The following OSBPL5 variants were observed in gnomAD, a reference collection of about 807,000 sequenced individuals.
The protein encoded by OSBPL5 is oxysterol binding protein like 5.
Under a neutral mutation model 111.2 loss-of-function variants are expected in OSBPL5, and 71 were observed. That is an observed-to-expected ratio of 0.64 (90% CI 0.53 to 0.78). OSBPL5 has a LOEUF of 0.78. Ranked by LOEUF, OSBPL5 falls within the 30% of genes least tolerant of loss-of-function variation. The pLI, the probability that OSBPL5 is intolerant of heterozygous loss-of-function variation, is 0.00. For synonymous variants in OSBPL5, 549 were observed against 513.9 expected, an observed-to-expected ratio of 1.07 and a Z score of -0.93; for missense variants, 1,210 against 1,189.3, an observed-to-expected ratio of 1.02 and a Z score of -0.26.
In OSBPL5 at chr11:3,151,951, C is replaced by T. The variant is rs77089155; in HGVS notation, c.-22+13265G>A. ...CCACTGAAGGCCCCCCTCTGCCTCT[C>T]GAGCCAGCTCGGAAGTGTGCACGTC... On this transcript the variant is annotated intron_variant, in intron 1 of 21. Coordinates refer to ENST00000263650, the MANE Select transcript of OSBPL5 (RefSeq NM_020896.4). Among the ~76,000 whole-genome samples the T allele has an allele frequency of 2.6e-3, 400 of 152,378 alleles. 1 individual carries two copies. The highest frequency in any genetic ancestry group is 4.7e-3 in the Non-Finnish European group (323 of 68,036).
intron 1 of OSBPL5, among the ~76,000 whole-genome samples, chr11:3,156,898 G>C (rs371503547): frequency 2.7e-4 from 41 of 152,308 alleles, no homozygotes; most frequent in Non-Finnish European, 4.1e-4. Flanking sequence ...CTAAGGCCTG[G>C]GGCTTTAAGA....
At chr11:3,155,787 G>T (rs780460679) in intron 1 of OSBPL5, among the ~76,000 whole-genome samples, 4 of 152,352 alleles carry the variant, frequency 2.6e-5, no homozygotes, top group Non-Finnish European at 5.9e-5. Flanking sequence ...CGGGTCTGGG[G>T]CTTGGCTGGT....
chr11:3,128,028 G>A (rs1431185613), intron 2 of OSBPL5, among the ~76,000 whole-genome samples: 1 of 152,222 alleles, frequency 6.6e-6, no homozygotes. Context: ...CGGCCAGGGT[G>A]AACGTGACAG....
At chr11:3,099,970 A>G (rs1857396456) in intron 14 of OSBPL5, among the ~76,000 whole-genome samples, 188 bp downstream of exon 14, 1 of 148,780 alleles carries the variant, frequency 6.7e-6, no homozygotes, top group South Asian at 2.1e-4. Flanking sequence ...TGGAGCCAAG[A>G]TCACGCCATT....
At position 3,141,405 on chromosome 11, in the gene OSBPL5, C is replaced by T. The variant is rs1044673255; in HGVS notation, c.-21-12236G>A. 2.6e-5 allele frequency among the ~76,000 whole-genome samples: 4 copies of T among 152,238 alleles called. No individual in the cohort carries two copies. The highest frequency in any genetic ancestry group is 1.9e-4 in the East Asian group (1 of 5,164). ...CTGCCCCAGCAGGCAGGTCCAGCCCCGAGGCCTCCTTGGTTCCCCTCAGAA... is the reference window on the plus strand; with the variant it reads ...CTGCCCCAGCAGGCAGGTCCAGCCCTGAGGCCTCCTTGGTTCCCCTCAGAA... On this transcript the variant is annotated intron_variant, in intron 1 of 21. Coordinates refer to ENST00000263650, the MANE Select transcript of OSBPL5 (RefSeq NM_020896.4). This position sits in a 1 kb window ranked among gnomAD's most constrained non-coding sequence, Gnocchi z 6.5.
chr11:3,123,046 G>A lies in OSBPL5; in HGVS notation c.220-618C>T, dbSNP rs545926498. On this transcript the variant is annotated intron_variant, in intron 3 of 21. Transcript: ENST00000263650. ...CAGGGCCAATGTACTGGTGGGGGGT[G>A]TGCAGTGGGGGTGCCCACCCCATCC... Among the ~76,000 whole-genome samples the A allele has an allele frequency of 3.9e-5, 6 of 152,352 alleles. No homozygotes were observed. In the South Asian group the frequency reaches 8.3e-4, roughly 21 times the overall value.
At chr11:3,103,989 C>G (rs556342649) in intron 10 of OSBPL5, among the ~76,000 whole-genome samples, 8 of 152,174 alleles carry the variant, frequency 5.3e-5, no homozygotes, top group African/African-American at 1.9e-4. Flanking sequence ...ACTGACCCCC[C>G]TCTCACCACG....
chr11:3,160,042 C>G (rs1260476950), intron 1 of OSBPL5, among the ~76,000 whole-genome samples: 1 of 152,210 alleles, frequency 6.6e-6, no homozygotes, highest in Non-Finnish European at 1.5e-5. Context: ...AGCCCCCTCC[C>G]TGCCCTGGCC....
Position 3,107,945 on chromosome 11 carries a change from C to A in OSBPL5, c.692G>T (p.Gly231Val). Residue 231 changes from glycine (G) to valine (V), a missense_variant and splice_region_variant, in exon 8 of 22, where the codon GGT becomes GTT. Gly to Val is a moderately radical substitution (Grantham distance 109). Coordinates refer to ENST00000263650, the MANE Select transcript of OSBPL5 (RefSeq NM_020896.4). The surrounding 1 kb of genome is among the most constrained non-coding windows in gnomAD (Gnocchi z 6.1). ...CTCCAGGGCGTCCAGCCAGCAGCGA[C>A]CTGCGGGGCACACGGGATGAGCATG... ...LIFRAASESD[G>V]RCWLDALELA... 6.3e-7 allele frequency: 1 copy of A among 1,596,754 alleles called. No individual in the cohort carries two copies. Among genetic ancestry groups the A allele is most frequent in the Non-Finnish European group, 8.5e-7 (1 of 1,179,302 alleles).
At chr11:3,093,410 C>T (rs1488738142) in intron 17 of OSBPL5, 117 bp downstream of exon 17, 13 of 1,453,194 alleles carry the variant, frequency 8.9e-6, no homozygotes, top group Non-Finnish European at 1.2e-5. Flanking sequence ...ACCAGGCCTG[C>T]CCTCCCTGCC....
intron 1 of OSBPL5, among the ~76,000 whole-genome samples, chr11:3,157,687 G>A (rs987301905): frequency 9.9e-5 from 15 of 152,228 alleles, no homozygotes; most frequent in Admixed American, 6.5e-4. Flanking sequence ...CCCCGCCCTC[G>A]GCCGGCTGGG....
chr11:3,092,445 C>T lies in OSBPL5; in HGVS notation c.2246G>A (p.Gly749Glu), dbSNP rs774082217. The T allele has an allele frequency of 3.1e-5, 49 of 1,580,940 alleles. No individual in the cohort carries two copies. Among genetic ancestry groups the T allele is most frequent in the South Asian group, 2.8e-4 (24 of 86,456 alleles). Residue 749 changes from glycine (G) to glutamate (E), a missense_variant, in exon 19 of 22, where the codon GGG (glycine) becomes GAG (glutamate). Physicochemically the swap from Gly to Glu is moderately conservative, Grantham distance 98. Transcript: ENST00000263650. This position sits in a 1 kb window ranked among gnomAD's most constrained non-coding sequence, Gnocchi z 5.4. ...TGGGGTGCTGACCTCGTGCCTGGGC[C>T]CTGGGCTGCCCAGGAAGGTGGTCTG... The part of the protein sequence containing the change: ...ARQTTFLGSP[G>E]PRHERSGPDQ...
chr11:3,089,645 C>T (rs932892860), intron 21 of OSBPL5, among the ~76,000 whole-genome samples: 2 of 152,178 alleles, frequency 1.3e-5, no homozygotes, highest in African/African-American at 2.4e-5. Context: ...TTGATCATCC[C>T]GCACCACCTG....
Position 3,106,433 on chromosome 11 carries a change from C to T in OSBPL5, c.1059+830G>A, listed in dbSNP as rs1564832998. 1.3e-5 allele frequency among the ~76,000 whole-genome samples: 2 copies of T among 152,070 alleles called. No homozygotes were observed. The highest frequency in any genetic ancestry group is 2.1e-4 in the South Asian group (1 of 4,812). ...AGAGCGCAGCCCCCACCCCAGAGCC[C>T]GGCTTCCTCAGCCTGCACCCGTCAC... is the stretch of plus-strand genomic sequence containing the variant. On this transcript the variant is annotated intron_variant, in intron 9 of 21. Transcript: ENST00000263650. The surrounding 1 kb of genome is among the most constrained non-coding windows in gnomAD (Gnocchi z 8.4).
chr11:3,151,861 C>T (rs532414141), intron 1 of OSBPL5, among the ~76,000 whole-genome samples: 70 of 152,336 alleles, frequency 4.6e-4, no homozygotes, highest in African/African-American at 1.6e-3. Flanking sequence ...TTTGCAGCCC[C>T]GACAGCTGCC....
intron 19 of OSBPL5, among the ~76,000 whole-genome samples, chr11:3,091,050 GA>G: frequency 6.6e-6 from 1 of 152,342 alleles, no homozygotes; most frequent in East Asian, 1.9e-4. Context: ...TCTGACCCCT[GA>G]GCCATGAGGA....
intron 1 of OSBPL5, among the ~76,000 whole-genome samples, chr11:3,151,853 T>G (rs1291881075): frequency 6.6e-6 from 1 of 152,214 alleles, no homozygotes; most frequent in African/African-American, 2.4e-5. Flanking sequence ...GGGCGGGCTT[T>G]GCAGCCCCGA....
chr11:3,142,530 T>C lies in OSBPL5; in HGVS notation c.-21-13361A>G, dbSNP rs1482124482. Among the ~76,000 whole-genome samples, 1 of 152,170 alleles carries C rather than the reference T, an allele frequency of 6.6e-6. No homozygotes were observed. Among genetic ancestry groups the C allele is most frequent in the East Asian group, 1.9e-4 (1 of 5,196 alleles). ...CGGATGCTTAGCTCCCCTCCCTTTTTACAGATGAGGAAACTGAGAATGAAA... is the reference window on the plus strand; with the variant it reads ...CGGATGCTTAGCTCCCCTCCCTTTTCACAGATGAGGAAACTGAGAATGAAA... On this transcript the variant is annotated intron_variant, in intron 1 of 21. Transcript: ENST00000263650. This position sits in a 1 kb window ranked among gnomAD's most constrained non-coding sequence, Gnocchi z 7.1.
Position 3,130,739 on chromosome 11 carries a change from C to T in OSBPL5, c.-21-1570G>A, listed in dbSNP as rs1467716568. ...GGTGGAACCGATCCTAAAACCCAGCCGCTGAGTGTCTGCCCACTCAGTGTC... is the reference window on the plus strand; with the variant it reads ...GGTGGAACCGATCCTAAAACCCAGCTGCTGAGTGTCTGCCCACTCAGTGTC... On this transcript the variant is annotated intron_variant, in intron 1 of 21. Coordinates refer to ENST00000263650, the MANE Select transcript of OSBPL5 (RefSeq NM_020896.4). The surrounding 1 kb of genome is among the most constrained non-coding windows in gnomAD (Gnocchi z 4.5). Among the ~76,000 whole-genome samples the T allele has an allele frequency of 3.3e-5, 5 of 152,220 alleles. No homozygotes were observed. Among genetic ancestry groups the T allele is most frequent in the African/African-American group, 7.2e-5 (3 of 41,442 alleles).
Sources: allele counts gnomAD v4.1 joint callset (sites outside exome capture counted in the v4.1 genomes callset), GRCh38; gene constraint gnomAD v4.1.1; non-coding constraint Gnocchi (gnomAD v3.1); transcripts MANE v1.5; gene names NCBI Gene and HGNC (gene_info 2026-07-23, HGNC 2026-07-21).